Variants in AGFG1 observed in about 807,000 individuals in gnomAD.
AGFG1 encodes arf-GAP domain and FG repeat-containing protein 1.
A neutral mutation model predicts 60.6 loss-of-function variants in AGFG1; 10 were observed. The ratio of observed to expected loss-of-function variants is 0.16; its 90% confidence interval spans 0.10 to 0.28. AGFG1 has a LOEUF of 0.28. AGFG1 is among the 10% of genes least tolerant of loss of function. The pLI is 1.00. For synonymous variants in AGFG1, 247 were observed against 242.9 expected, an observed-to-expected ratio of 1.02 and a Z score of -0.16; for missense variants, 537 against 676.5, an observed-to-expected ratio of 0.79 and a Z score of 2.29.
intron 1 of AGFG1, among the ~76,000 whole-genome samples, chr2:227,482,870 A>T (rs1051465259): frequency 5.3e-5 from 8 of 152,288 alleles, no homozygotes; most frequent in Admixed American, 5.2e-4. Context: ...AGATGTCTTA[A>T]TTATACTACA....
At chr2:227,490,311 G>A (rs1333107609) in intron 1 of AGFG1, among the ~76,000 whole-genome samples, 1 of 152,092 alleles carries the variant, frequency 6.6e-6, no homozygotes, top group African/African-American at 2.4e-5. Context: ...GGGCGTGGTC[G>A]CTCACGCCTG....
At chr2:227,511,490 T>A (rs1438115199) in intron 2 of AGFG1, among the ~76,000 whole-genome samples, 1 of 152,114 alleles carries the variant, frequency 6.6e-6, no homozygotes, top group Non-Finnish European at 1.5e-5. Context: ...AAGAAAACTT[T>A]ATCTACACAC....
intron 2 of AGFG1, among the ~76,000 whole-genome samples, chr2:227,516,683 G>C (rs1034906329): frequency 1.3e-5 from 2 of 152,192 alleles, no homozygotes; most frequent in African/African-American, 4.8e-5. Flanking sequence ...CGTTACGAGT[G>C]CCAAGATGGC....
At chr2:227,536,522 G>A in intron 8 of AGFG1, 103 bp from the exon 9 acceptor site, 1 of 844,360 alleles carries the variant, frequency 1.2e-6, no homozygotes, top group Non-Finnish European at 1.9e-6. Context: ...TGATACTGAT[G>A]CTGTGATACA....
At chr2:227,527,062 A>G (rs1692015902) in intron 5 of AGFG1, among the ~76,000 whole-genome samples, 1 of 152,212 alleles carries the variant, frequency 6.6e-6, no homozygotes, top group Non-Finnish European at 1.5e-5. Flanking sequence ...AGATTTGGTC[A>G]CTTGTATCTC....
chr2:227,537,126 A>G, intron 10 of AGFG1, 133 bp downstream of exon 10: 1 of 669,246 alleles, frequency 1.5e-6, no homozygotes, highest in South Asian at 2.5e-5. Flanking sequence ...GAGTTTGTCC[A>G]TAAAGACAAA....
At chr2:227,546,384 G>A (rs924116919) in intron 10 of AGFG1, among the ~76,000 whole-genome samples, 15 of 152,326 alleles carry the variant, frequency 9.8e-5, no homozygotes, top group Non-Finnish European at 2.2e-4. Context: ...TCCAGGTACC[G>A]TCTGTCACAG....
At chr2:227,504,189 T>G (rs1169607179) in intron 2 of AGFG1, among the ~76,000 whole-genome samples, 3 of 111,776 alleles carry the variant, frequency 2.7e-5, no homozygotes, top group African/African-American at 7.8e-5. Context: ...TTGGTGTAAA[T>G]TTTTTTTTTT....
chr2:227,480,536 A>G (rs1473253252), intron 1 of AGFG1, among the ~76,000 whole-genome samples: 1 of 151,498 alleles, frequency 6.6e-6, no homozygotes, highest in Non-Finnish European at 1.5e-5. Context: ...GGTAGCTGGG[A>G]TTACAGGCAT....
At chr2:227,547,848 C>A (rs1408316426) in intron 10 of AGFG1, among the ~76,000 whole-genome samples, 1 of 152,014 alleles carries the variant, frequency 6.6e-6, no homozygotes, top group African/African-American at 2.4e-5. Context: ...TAGGAATATA[C>A]CAAAGAGGAA....
intron 2 of AGFG1, among the ~76,000 whole-genome samples, chr2:227,498,681 A>T (rs1430218894): frequency 6.6e-6 from 1 of 152,230 alleles, no homozygotes; most frequent in African/African-American, 2.4e-5. Context: ...AAATGTAGAC[A>T]TGTCTTTGTG....
Position 227,472,157 on chromosome 2 carries a change from C to G in AGFG1, c.-265C>G, listed in dbSNP as rs1362615887. On this transcript the variant is annotated 5_prime_UTR_variant, in exon 1 of 13. Transcript: ENST00000310078. Reference sequence around the variant, plus strand: ...TTGCCGTCCCCTTCCTCGTCTTTTCCCCTCAGGAGAAGTCGGGAAGGTGGC... The same window carrying G: ...TTGCCGTCCCCTTCCTCGTCTTTTCGCCTCAGGAGAAGTCGGGAAGGTGGC... The G allele has an allele frequency of 6.4e-6, 1 of 155,852 alleles. No homozygotes were observed. The highest frequency in any genetic ancestry group is 2.4e-5 in the African/African-American group (1 of 41,522). 9.7% of individuals were successfully genotyped at this position (155,852 alleles called of 1,614,324 possible). A position where few individuals can be genotyped will look rare whatever the true frequency, so the allele number is the denominator to read the frequency against.
intron 7 of AGFG1, 140 bp from the exon 8 acceptor site, chr2:227,534,705 T>C: frequency 1.2e-6 from 1 of 831,306 alleles, no homozygotes; most frequent in South Asian, 1.8e-5. Flanking sequence ...TGGTCCAGGT[T>C]ATTTATTAGA....
At position 227,499,448 on chromosome 2, in the gene AGFG1, T is replaced by C. The variant is rs891216957; in HGVS notation, c.261+7808T>C. Among the ~76,000 whole-genome samples, 7 of 152,160 alleles carry C rather than the reference T, an allele frequency of 4.6e-5. No homozygotes were observed. The East Asian group carries it at 1.4e-3, about 29-fold the overall frequency. On this transcript the variant is annotated intron_variant, in intron 2 of 12. Transcript: ENST00000310078. ...TGAGGCCAGGAGTTCGAGTCTAGCT[T>C]GGGCAACATGGCAAAACCCCATCTC... is the stretch of plus-strand genomic sequence containing the variant.
At chr2:227,505,644 C>T (rs899873613) in intron 2 of AGFG1, among the ~76,000 whole-genome samples, 1 of 152,008 alleles carries the variant, frequency 6.6e-6, no homozygotes, top group Non-Finnish European at 1.5e-5. Context: ...TCTGTTATTT[C>T]TAGAGTTTCC....
In AGFG1 at chr2:227,556,848, C is replaced by T. The variant is rs1692983140; in HGVS notation, c.*2353C>T. 6.6e-6 allele frequency: 1 copy of T among 152,064 alleles called. No individual in the cohort carries two copies. The highest frequency in any genetic ancestry group is 1.5e-5 in the Non-Finnish European group (1 of 68,056). The allele number at this position is 152,064 out of a possible 1,614,324, so 9.4% of individuals were successfully genotyped here. ...CTACCTGGAGGTGAGGTGGGAACAT[C>T]ACTTGAGCCCAGGAGTTGGAGGCTG... On this transcript the variant is annotated 3_prime_UTR_variant, in exon 13 of 13. Transcript: ENST00000310078.
intron 2 of AGFG1, among the ~76,000 whole-genome samples, chr2:227,492,819 G>A (rs1467136003): frequency 6.6e-6 from 1 of 151,964 alleles, no homozygotes; most frequent in Non-Finnish European, 1.5e-5. Flanking sequence ...AAAGGTAGGA[G>A]GCTTTTAATG....
In AGFG1 at chr2:227,557,592, GTTTATTTA is replaced by G. The variant is rs36044955; in HGVS notation, c.*3102_*3109del. On this transcript the variant is annotated 3_prime_UTR_variant, in exon 13 of 13. Transcript: ENST00000310078. ...TAATACTGAGATATTTTTAAAACATGTTTATTTATTTAAGTATAACAGTAATAAACTAA... is the reference window on the plus strand; with the variant it reads ...TAATACTGAGATATTTTTAAAACATGTTTAAGTATAACAGTAATAAACTAA... The G allele has an allele frequency of 4.6e-5, 7 of 151,478 alleles. No homozygotes were observed. Among genetic ancestry groups the G allele is most frequent in the East Asian group, 1.9e-4 (1 of 5,160 alleles). 9.4% of individuals were successfully genotyped at this position (151,478 alleles called of 1,614,324 possible). A position where few individuals can be genotyped will look rare whatever the true frequency, so the allele number is the denominator to read the frequency against.
At chr2:227,501,541 A>G (rs1691156516) in intron 2 of AGFG1, among the ~76,000 whole-genome samples, 1 of 152,216 alleles carries the variant, frequency 6.6e-6, no homozygotes, top group Non-Finnish European at 1.5e-5. Flanking sequence ...ACACATAAAC[A>G]TCATTACAGA....
Sources: gnomAD v4.1 joint callset for allele counts (sites outside exome capture counted in the v4.1 genomes callset) on GRCh38, gnomAD v4.1.1 for gene constraint, MANE v1.5 for transcripts, NCBI Gene and HGNC (gene_info 2026-07-23, HGNC 2026-07-21) for gene names.